Variants in CRPPA observed in about 807,000 individuals in gnomAD.
CRPPA encodes D-ribitol-5-phosphate cytidylyltransferase.
A neutral mutation model predicts 52.0 loss-of-function variants in CRPPA; 43 were observed. The observed-to-expected ratio is 0.83, with a 90% CI of 0.65 to 1.07. The LOEUF is 1.07. Ranked by LOEUF, CRPPA falls within the 50% of genes least tolerant of loss-of-function variation. The pLI is 0.00. For missense variants in CRPPA, 629 were observed against 551.7 expected, an observed-to-expected ratio of 1.14 and a Z score of -1.40; for synonymous variants, 250 against 203.5, an observed-to-expected ratio of 1.23 and a Z score of -1.94.
At chr7:16,153,229 A>G (rs1360835229) in intron 9 of CRPPA, among the ~76,000 whole-genome samples, 1 of 152,104 alleles carries the variant, frequency 6.6e-6, no homozygotes, top group African/African-American at 2.4e-5. Context: ...TTATATATAA[A>G]TTACCTATGA....
chr7:16,216,981 G>C (rs1782342592), intron 8 of CRPPA, among the ~76,000 whole-genome samples: 1 of 152,072 alleles, frequency 6.6e-6, no homozygotes, highest in South Asian at 2.1e-4. Flanking sequence ...CTTCACCTCT[G>C]GGGGCAGGGC....
At chr7:16,252,075 A>G (rs970756175) in intron 8 of CRPPA, among the ~76,000 whole-genome samples, 2 of 151,754 alleles carry the variant, frequency 1.3e-5, no homozygotes, top group African/African-American at 4.8e-5. Flanking sequence ...TCATCCTGAT[A>G]CCAAAACCTG....
intron 9 of CRPPA, among the ~76,000 whole-genome samples, chr7:16,125,774 A>T (rs781348490): frequency 6.6e-6 from 1 of 152,046 alleles, no homozygotes; most frequent in Non-Finnish European, 1.5e-5. Context: ...ATTTTAAAAA[A>T]TTTTCAAGAA....
chr7:16,342,798 T>TAGATAGATAGATAG lies in CRPPA; in HGVS notation c.684+33293_684+33294insCTATCTATCTATCT, dbSNP rs1491461185. 3.9e-3 allele frequency among the ~76,000 whole-genome samples: 392 copies of TAGATAGATAGATAG among 101,228 alleles called. 53 individuals are homozygous for TAGATAGATAGATAG. The highest frequency in any genetic ancestry group is 0.015 in the African/African-American group (364 of 24,580). 66.4% of individuals were successfully genotyped at this position (101,228 alleles called of 152,430 possible). ...AAAAAAAAAAATATATATATATATA[T>TAGATAGATAGATAG]CTATATAGATATATAGATATACATA... On this transcript the variant is annotated intron_variant, in intron 3 of 9. Transcript: ENST00000407010.
chr7:16,221,517 A>C (rs1223036051), intron 8 of CRPPA, among the ~76,000 whole-genome samples: 1 of 152,170 alleles, frequency 6.6e-6, no homozygotes, highest in Non-Finnish European at 1.5e-5. Context: ...CAACCTACAA[A>C]ATGGGAGAAG....
At chr7:16,303,709 G>A (rs1204143837) in intron 4 of CRPPA, among the ~76,000 whole-genome samples, 1 of 152,010 alleles carries the variant, frequency 6.6e-6, no homozygotes. Flanking sequence ...TATATAAAAT[G>A]CTGGATAACT....
chr7:16,314,604 G>C (rs13438722), intron 3 of CRPPA, among the ~76,000 whole-genome samples: 3,232 of 152,076 alleles, frequency 0.021, 108 homozygotes, highest in African/African-American at 0.072. Flanking sequence ...AGGTCTACTG[G>C]CAAAAAATTT....
intron 3 of CRPPA, among the ~76,000 whole-genome samples, chr7:16,338,787 A>T (rs1044563060): frequency 3.3e-5 from 5 of 151,174 alleles, no homozygotes; most frequent in Non-Finnish European, 7.4e-5. Flanking sequence ...CCAGCCCCCA[A>T]TGGGTTCATC....
intron 3 of CRPPA, among the ~76,000 whole-genome samples, chr7:16,337,683 G>A (rs57381059): frequency 0.1 from 15,547 of 151,544 alleles, 932 homozygotes; most frequent in East Asian, 0.26. Context: ...ATTAACAACG[G>A]GACATTATAA....
chr7:16,310,121 G>A (rs559293512), intron 3 of CRPPA, among the ~76,000 whole-genome samples: 67 of 152,196 alleles, frequency 4.4e-4, no homozygotes, highest in Non-Finnish European at 7.6e-4. Flanking sequence ...AGAGGGTATT[G>A]CACAAAATGT....
intron 8 of CRPPA, among the ~76,000 whole-genome samples, chr7:16,251,083 C>T (rs1413317749): frequency 1.3e-5 from 2 of 151,686 alleles, no homozygotes; most frequent in East Asian, 3.9e-4. Context: ...CAATCCTAGT[C>T]TCTGATAAAA....
intron 8 of CRPPA, among the ~76,000 whole-genome samples, chr7:16,251,319 G>A (rs1305297485): frequency 5.3e-5 from 8 of 151,968 alleles, no homozygotes; most frequent in Non-Finnish European, 7.4e-5. Context: ...ACAGTTCAAC[G>A]AGACAGAAAA....
At chr7:16,283,884 T>C (rs1248671592) in intron 5 of CRPPA, among the ~76,000 whole-genome samples, 2 of 152,020 alleles carry the variant, frequency 1.3e-5, no homozygotes, top group African/African-American at 2.4e-5. Context: ...ACTACAGATA[T>C]AGGATACTTG....
rs192321100 is a variant in CRPPA at position 16,319,798 on chromosome 7, G to A, written c.685-11171C>T. 1.9e-4 allele frequency among the ~76,000 whole-genome samples: 29 copies of A among 152,166 alleles called. No homozygotes were observed. The East Asian group carries it at 5.2e-3, about 28-fold the overall frequency. On this transcript the variant is annotated intron_variant, in intron 3 of 9. Coordinates refer to ENST00000407010, the MANE Select transcript of CRPPA (RefSeq NM_001101426.4). ...CTTCTACAGCATCCTATGTTCTCCC[G>A]GTATAGACAGAGAACTTCATCACCA...
At chr7:16,306,787 A>G (rs948138122) in intron 4 of CRPPA, among the ~76,000 whole-genome samples, 1 of 152,192 alleles carries the variant, frequency 6.6e-6, no homozygotes, top group Non-Finnish European at 1.5e-5. Context: ...TCACTGAGCC[A>G]TATATAGAAA....
chr7:16,244,236 A>T (rs1783204535), intron 8 of CRPPA, among the ~76,000 whole-genome samples: 1 of 152,114 alleles, frequency 6.6e-6, no homozygotes, highest in Non-Finnish European at 1.5e-5. Flanking sequence ...AGCTAACAAA[A>T]ATTTCCCACG....
At chr7:16,285,862 A>G (rs1318106361) in intron 5 of CRPPA, among the ~76,000 whole-genome samples, 2 of 150,482 alleles carry the variant, frequency 1.3e-5, no homozygotes, top group Non-Finnish European at 1.5e-5. Context: ...TCCACTAAAC[A>G]TACAAAAAAT....
At chr7:16,106,672 G>A (rs1158033972) in intron 9 of CRPPA, among the ~76,000 whole-genome samples, 1 of 152,186 alleles carries the variant, frequency 6.6e-6, no homozygotes, top group African/African-American at 2.4e-5. Context: ...GGCTAGAAGA[G>A]GGGGCTGCTG....
At chr7:16,222,122 A>T (rs1191074194) in intron 8 of CRPPA, among the ~76,000 whole-genome samples, 2 of 151,930 alleles carry the variant, frequency 1.3e-5, no homozygotes, top group African/African-American at 2.4e-5. Context: ...AGCCATAAAA[A>T]ATGATGAGTT....
Sources: allele counts gnomAD v4.1 joint callset (sites outside exome capture counted in the v4.1 genomes callset), GRCh38; gene constraint gnomAD v4.1.1; transcripts MANE v1.5; gene names NCBI Gene and HGNC (gene_info 2026-07-23, HGNC 2026-07-21).